The following INPP5A variants were observed in gnomAD, a reference collection of about 807,000 sequenced individuals.
INPP5A encodes 43 kDa inositol polyphosphate 5-phophatase.
A neutral mutation model predicts 65.2 loss-of-function variants in INPP5A; 14 were observed. The ratio of observed to expected loss-of-function variants is 0.21; its 90% CI spans 0.14 to 0.34. The LOEUF (loss-of-function observed/expected upper bound fraction) is 0.34, where lower values mean the gene tolerates loss of function less well. Ranked by LOEUF, INPP5A falls within the 10% of genes least tolerant of loss-of-function variation. The pLI is 1.00. For missense variants in INPP5A, 431 were observed against 545.6 expected (o/e 0.79, Z 2.09); for synonymous variants, 207 against 208.3 (o/e 0.99, Z 0.05).
intron 11 of INPP5A, among the ~76,000 whole-genome samples, chr10:132,763,796 AAC>A (rs1168277238): frequency 4.1e-5 from 6 of 145,066 alleles, no homozygotes; most frequent in East Asian, 2.1e-4. Context: ...CCTGCATGCA[AAC>A]ACACATGCCT....
At chr10:132,688,744 G>T (rs111770695) in intron 4 of INPP5A, among the ~76,000 whole-genome samples, 2 of 151,940 alleles carry the variant, frequency 1.3e-5, no homozygotes, top group South Asian at 4.2e-4. Context: ...GTGTGCAAGT[G>T]TGTGAGCAAG....
rs766159673 is a variant in INPP5A, at chr10:132,707,909, C to T, written c.475-404C>T. ...TGGGCAGGTCACCCACTGTCCAGGA[C>T]GCCTGGCTGGGCACGGCTGCTCAAG... On this transcript the variant is annotated intron_variant, in intron 6 of 15. Coordinates refer to ENST00000368594, the MANE Select transcript of INPP5A (RefSeq NM_005539.5). This position sits in a 1 kb window ranked among gnomAD's most constrained non-coding sequence, Gnocchi z 5.5. 1.4e-3 allele frequency among the ~76,000 whole-genome samples: 209 copies of T among 152,284 alleles called. No individual in the cohort carries two copies. The highest frequency in any genetic ancestry group is 1.3e-3 in the Non-Finnish European group (86 of 68,022).
At chr10:132,661,619 T>G (rs1249733873) in intron 4 of INPP5A, among the ~76,000 whole-genome samples, 1 of 152,192 alleles carries the variant, frequency 6.6e-6, no homozygotes, top group African/African-American at 2.4e-5. Context: ...CAAATTGATG[T>G]AAAGATTCAG....
At chr10:132,658,346 G>A (rs572334025) in intron 4 of INPP5A, among the ~76,000 whole-genome samples, 96 of 152,232 alleles carry the variant, frequency 6.3e-4, no homozygotes, top group African/African-American at 2.1e-3. Flanking sequence ...GGCTTATGAG[G>A]TGCTCCTAAT....
In INPP5A at chr10:132,545,981, A is replaced by C. The variant is rs2070965238; in HGVS notation, c.75+7810A>C. Reference sequence around the variant, plus strand: ...GCTCTAATGTTCATGGTGTGTTTGGAGACGTGGAAGTGGCTCTGGAGGAGC... The same window carrying C: ...GCTCTAATGTTCATGGTGTGTTTGGCGACGTGGAAGTGGCTCTGGAGGAGC... On this transcript the variant is annotated intron_variant, in intron 1 of 15. Transcript: ENST00000368594. This position sits in a 1 kb window ranked among gnomAD's most constrained non-coding sequence, Gnocchi z 4.6. Among the ~76,000 whole-genome samples the C allele has an allele frequency of 6.6e-6, 1 of 152,190 alleles. No individual in the cohort carries two copies.
At chr10:132,556,415 G>A (rs563931701) in intron 1 of INPP5A, among the ~76,000 whole-genome samples, 1 of 152,276 alleles carries the variant, frequency 6.6e-6, no homozygotes, top group East Asian at 1.9e-4. Context: ...GCACCTGTTG[G>A]GGCTGGTGGA....
intron 1 of INPP5A, among the ~76,000 whole-genome samples, chr10:132,569,671 T>A (rs747434847): frequency 2.2e-4 from 34 of 151,948 alleles, no homozygotes; most frequent in Admixed American, 9.2e-4. Context: ...CTGTTTTTTT[T>A]AATTAAATTT....
chr10:132,779,373 C>T (rs1847119330), intron 13 of INPP5A, among the ~76,000 whole-genome samples: 1 of 152,218 alleles, frequency 6.6e-6, no homozygotes, highest in South Asian at 2.1e-4. Flanking sequence ...AGGAGCCTCC[C>T]GGGGACTCGG....
chr10:132,716,257 A>G (rs770854188), intron 8 of INPP5A, among the ~76,000 whole-genome samples: 10 of 152,332 alleles, frequency 6.6e-5, no homozygotes, highest in Middle Eastern at 3.4e-3. Flanking sequence ...GGCCCCCAGC[A>G]TCAGCCTGAA....
chr10:132,720,702 C>T (rs1488270207), intron 8 of INPP5A, among the ~76,000 whole-genome samples: 1 of 144,254 alleles, frequency 6.9e-6, no homozygotes, highest in African/African-American at 2.6e-5. Flanking sequence ...GCACCTTAGA[C>T]AGCTGTCTTC....
intron 1 of INPP5A, among the ~76,000 whole-genome samples, chr10:132,580,542 C>T (rs950874558): frequency 3.3e-5 from 5 of 152,272 alleles, no homozygotes; most frequent in African/African-American, 4.8e-5. Context: ...AGTGTGAGAA[C>T]GGACTAATAC....
chr10:132,626,644 G>A (rs191895422), intron 2 of INPP5A, among the ~76,000 whole-genome samples: 1 of 152,360 alleles, frequency 6.6e-6, no homozygotes, highest in Admixed American at 6.5e-5. Context: ...CCCTCTGTCA[G>A]TATCCACAAG....
chr10:132,703,876 C>T (rs546858479), intron 6 of INPP5A, among the ~76,000 whole-genome samples: 65 of 75,700 alleles, frequency 8.6e-4, no homozygotes, highest in African/African-American at 3.5e-3. Context: ...CACACACGCA[C>T]GGCTTCACCC....
chr10:132,770,737 A>G (rs1375697761), intron 12 of INPP5A, among the ~76,000 whole-genome samples: 1 of 152,208 alleles, frequency 6.6e-6, no homozygotes, highest in African/African-American at 2.4e-5. Flanking sequence ...CATTTTTGTG[A>G]AAAAAGTACC....
chr10:132,739,455 C>T lies in INPP5A; in HGVS notation c.733-10062C>T, dbSNP rs192870246. Among the ~76,000 whole-genome samples the T allele has an allele frequency of 6.6e-3, 1,011 of 152,350 alleles. 6 individuals carry two copies. The highest frequency in any genetic ancestry group is 0.022 in the African/African-American group (905 of 41,588). On this transcript the variant is annotated intron_variant, in intron 9 of 15. Coordinates refer to ENST00000368594, the MANE Select transcript of INPP5A (RefSeq NM_005539.5). The stretch of plus-strand genomic sequence containing the variant: ...AGGTGGTTTACTCATCCTTACCCTG[C>T]ACCTGCTACACCCCCAGCCTGTCGA...
rs1470556455 is a variant in INPP5A at position 132,770,851 on chromosome 10, C to T, written c.977+5005C>T. Reference sequence around the variant, plus strand: ...AGGGTGTGGGAGTCTCGACGCGGCACGTCTGGCACCCAGTGCGAGCAGCAC... The same window carrying T: ...AGGGTGTGGGAGTCTCGACGCGGCATGTCTGGCACCCAGTGCGAGCAGCAC... On this transcript the variant is annotated intron_variant, in intron 12 of 15. Transcript: ENST00000368594. 4.6e-5 allele frequency among the ~76,000 whole-genome samples: 7 copies of T among 152,158 alleles called. No homozygotes were observed. In the East Asian group the frequency reaches 5.8e-4, roughly 13 times the overall value.
Position 132,555,573 on chromosome 10 carries a change from C to T in INPP5A, c.75+17402C>T, listed in dbSNP as rs1386762882. Among the ~76,000 whole-genome samples the T allele has an allele frequency of 2.0e-5, 3 of 152,132 alleles. No individual in the cohort carries two copies. Among genetic ancestry groups the T allele is most frequent in the South Asian group, 2.1e-4 (1 of 4,828 alleles). On this transcript the variant is annotated intron_variant, in intron 1 of 15. Transcript: ENST00000368594. The surrounding 1 kb of genome is among the most constrained non-coding windows in gnomAD (Gnocchi z 4.4). ...TCTGGACAGTGGGGCCGTCCTGACT[C>T]GCCTCCTGAGAGCCGTGGGTCACAA...
intron 1 of INPP5A, among the ~76,000 whole-genome samples, chr10:132,572,466 G>A (rs1034977686): frequency 2.6e-5 from 4 of 152,146 alleles, no homozygotes; most frequent in Admixed American, 2.6e-4. Flanking sequence ...TGCTGTCCTG[G>A]GGGAGGGGGA....
At chr10:132,556,469 C>T (rs535678371) in intron 1 of INPP5A, among the ~76,000 whole-genome samples, 26 of 152,286 alleles carry the variant, frequency 1.7e-4, no homozygotes, top group African/African-American at 6.3e-4. Flanking sequence ...ACATGCACAT[C>T]ACACACTTGC....
Sources: allele counts gnomAD v4.1 joint callset (sites outside exome capture counted in the v4.1 genomes callset), GRCh38; gene constraint gnomAD v4.1.1; non-coding constraint Gnocchi (gnomAD v3.1); transcripts MANE v1.5; gene names NCBI Gene and HGNC (gene_info 2026-07-23, HGNC 2026-07-21).